Variants in NID1 observed in about 807,000 individuals in gnomAD.
NID1 encodes the protein nidogen-1.
Under a neutral mutation model 130.6 loss-of-function variants are expected in NID1, and 76 were observed. The observed-to-expected ratio is 0.58, with a 90% CI of 0.48 to 0.70. The LOEUF (loss-of-function observed/expected upper bound fraction) is 0.70. Among genes scored for constraint, NID1 ranks in the 30% least tolerant of loss-of-function variants. The pLI, the probability that NID1 is intolerant of heterozygous loss-of-function variation, is 0.00. For synonymous variants in NID1, 665 were observed against 675.1 expected, an observed-to-expected ratio of 0.98 and a Z score of 0.23; for missense variants, 1,517 against 1,664.8, an observed-to-expected ratio of 0.91 and a Z score of 1.54.
At chr1:235,989,985 A>G (rs1487047890) in intron 14 of NID1, among the ~76,000 whole-genome samples, 2 of 152,226 alleles carry the variant, frequency 1.3e-5, no homozygotes, top group Non-Finnish European at 2.9e-5. Context: ...AAAGGACTGG[A>G]TTTTATTCTG....
chr1:235,991,883 G>A (rs932423384), intron 13 of NID1, among the ~76,000 whole-genome samples: 1 of 152,296 alleles, frequency 6.6e-6, no homozygotes, highest in African/African-American at 2.4e-5. Context: ...ACAGGGATGG[G>A]AGAGCCTGGG....
At chr1:236,046,499 G>A (rs904671592) in intron 2 of NID1, among the ~76,000 whole-genome samples, 8 of 152,042 alleles carry the variant, frequency 5.3e-5, no homozygotes, top group African/African-American at 1.9e-4. Flanking sequence ...AAGGCCTCAC[G>A]GGAGGGCCCA....
chr1:236,017,303 C>CT (rs751409453), intron 9 of NID1, 30 bp from the exon 10 acceptor site: 24 of 1,607,392 alleles, frequency 1.5e-5, no homozygotes, highest in Non-Finnish European at 1.8e-5. Flanking sequence ...TTACTGCAGG[C>CT]TTTTTTTTAA....
intron 9 of NID1, among the ~76,000 whole-genome samples, chr1:236,017,838 G>T (rs553070960): frequency 1.7e-3 from 261 of 152,208 alleles, no homozygotes; most frequent in African/African-American, 6.2e-3. Flanking sequence ...CCCTGAACAC[G>T]AGTCTTTCCC....
At chr1:236,059,539 A>T (rs1659984877) in intron 1 of NID1, among the ~76,000 whole-genome samples, 1 of 152,208 alleles carries the variant, frequency 6.6e-6, no homozygotes, top group Admixed American at 6.5e-5. Context: ...TAGTTTATAT[A>T]ACTTGCCTAA....
intron 14 of NID1, among the ~76,000 whole-genome samples, chr1:235,986,709 G>T (rs140989540): frequency 1.3e-5 from 2 of 152,198 alleles, no homozygotes; most frequent in South Asian, 2.1e-4. Flanking sequence ...TGATCCAGCC[G>T]CCTGGGCCTC....
At chr1:236,011,868 G>A (rs756896456) in intron 12 of NID1, 53 bp downstream of exon 12, 1 of 1,605,236 alleles carries the variant, frequency 6.2e-7, no homozygotes, top group Non-Finnish European at 8.5e-7. Context: ...CATGTGCTCT[G>A]CATTCATGGA....
At position 235,977,384 on chromosome 1, in the gene NID1, A is replaced by G. The variant is rs1207559449; in HGVS notation, c.*483T>C. ...AAGAAATTCAGAGCACCAAAACAAA[A>G]CATTAAGGAATGCTAATTTCCTCCT... is the stretch of plus-strand genomic sequence containing the variant. On this transcript the variant is annotated 3_prime_UTR_variant, in exon 20 of 20. Coordinates refer to ENST00000264187, the MANE Select transcript of NID1 (RefSeq NM_002508.3). 6.4e-6 allele frequency: 1 copy of G among 156,888 alleles called. No homozygotes were observed. The highest frequency in any genetic ancestry group is 1.4e-5 in the Non-Finnish European group (1 of 70,584). The allele number at this position is 156,888 out of a possible 1,614,324, so 9.7% of individuals were successfully genotyped here. A position where few individuals can be genotyped will look rare whatever the true frequency, so the allele number is the denominator to read the frequency against.
At chr1:236,015,529 T>G (rs773440237) in intron 10 of NID1, among the ~76,000 whole-genome samples, 13 of 150,988 alleles carry the variant, frequency 8.6e-5, no homozygotes, top group Non-Finnish European at 1.8e-4. Context: ...TGCCTGTAAT[T>G]CCAGCTACTT....
intron 12 of NID1, among the ~76,000 whole-genome samples, chr1:235,995,041 C>T (rs760175314): frequency 5.3e-5 from 8 of 152,208 alleles, no homozygotes; most frequent in Non-Finnish European, 1.2e-4. Flanking sequence ...TGGAAATTGA[C>T]CTCTAAACTG....
At position 235,977,760 on chromosome 1, in the gene NID1, G is replaced by A. The variant is rs1445741359; in HGVS notation, c.*107C>T. The A allele has an allele frequency of 1.5e-6, 2 of 1,310,308 alleles. No homozygotes were observed. The highest frequency in any genetic ancestry group is 1.5e-5 in the African/African-American group (1 of 68,318). 81.2% of individuals were successfully genotyped at this position (1,310,308 alleles called of 1,614,324 possible). A position where few individuals can be genotyped will look rare whatever the true frequency, so the allele number is the denominator to read the frequency against. ...TTGGGGCTCAGGCTGGGCTGGGTCTGGGCCTAGTGGCCACTCAGCCAGAGG... is the reference window on the plus strand; with the variant it reads ...TTGGGGCTCAGGCTGGGCTGGGTCTAGGCCTAGTGGCCACTCAGCCAGAGG... On this transcript the variant is annotated 3_prime_UTR_variant, in exon 20 of 20. Coordinates refer to ENST00000264187, the MANE Select transcript of NID1 (RefSeq NM_002508.3).
chr1:236,007,025 T>A (rs1157442800), intron 12 of NID1, among the ~76,000 whole-genome samples: 1 of 152,018 alleles, frequency 6.6e-6, no homozygotes, highest in Non-Finnish European at 1.5e-5. Context: ...TTGTTTATTA[T>A]TTTTAAATTT....
rs775669003 is a variant in NID1, at chr1:235,979,139, C to T, written c.3510-32G>A. ...AGCACCAAAGGGCAGAAGGTGAAAA[C>T]ACATCTGATGGCTTGAACTTGTATC... On this transcript the variant is annotated intron_variant, in intron 18 of 19. Coordinates refer to ENST00000264187, the MANE Select transcript of NID1 (RefSeq NM_002508.3). This position sits in a 1 kb window ranked among gnomAD's most constrained non-coding sequence, Gnocchi z 4.6. The T allele has an allele frequency of 8.0e-6, 11 of 1,372,088 alleles. No homozygotes were observed. Among genetic ancestry groups the T allele is most frequent in the South Asian group, 3.5e-5 (3 of 86,042 alleles). 85.0% of individuals were successfully genotyped at this position (1,372,088 alleles called of 1,614,324 possible).
At chr1:236,002,677 A>G (rs984221586) in intron 12 of NID1, among the ~76,000 whole-genome samples, 3 of 152,096 alleles carry the variant, frequency 2.0e-5, no homozygotes, top group African/African-American at 7.2e-5. Context: ...ATTGGTGAGG[A>G]CGGTTGCCTT....
intron 2 of NID1, among the ~76,000 whole-genome samples, chr1:236,047,815 T>G (rs559168086): frequency 7.2e-6 from 1 of 139,392 alleles, no homozygotes; most frequent in Non-Finnish European, 1.5e-5. Context: ...TCATTTGAGG[T>G]CAGCAGTTGG....
chr1:236,027,626 C>T (rs948248834), intron 7 of NID1, among the ~76,000 whole-genome samples: 1 of 152,110 alleles, frequency 6.6e-6, no homozygotes, highest in Non-Finnish European at 1.5e-5. Flanking sequence ...GTCAGGAGTT[C>T]GAGACCAGCC....
chr1:236,003,080 G>A (rs9726880), intron 12 of NID1, among the ~76,000 whole-genome samples: 34,970 of 133,826 alleles, frequency 0.26, 4,864 homozygotes, highest in Non-Finnish European at 0.3. Flanking sequence ...GTGAACGAGT[G>A]GTAGTTGTCA....
At position 235,980,650 on chromosome 1, in the gene NID1, G is replaced by A. The variant is rs757630278; in HGVS notation, c.3231C>T (p.Asn1077=). ...CTCTGTTCCAGTCTGTCCAGTAAAGGTTCCTGGAGGAGGAAAAAGGGGGGA... is the reference window on the plus strand; with the variant it reads ...CTCTGTTCCAGTCTGTCCAGTAAAGATTCCTGGAGGAGGAAAAAGGGGGGA... ...RGIVTDSVRG[N]LYWTDWNRDN... is the part of the protein sequence containing the mutation. Residue 1077 remains asparagine, a synonymous_variant, in exon 17 of 20, where the codon AAC becomes AAT. Transcript: ENST00000264187. 10 of 1,612,162 alleles carry A rather than the reference G, an allele frequency of 6.2e-6. No individual in the cohort carries two copies. Among genetic ancestry groups the A allele is most frequent in the East Asian group, 4.5e-5 (2 of 44,856 alleles).
chr1:236,010,572 T>C lies in NID1; in HGVS notation c.2527+1349A>G, dbSNP rs534711806. 4.6e-5 allele frequency among the ~76,000 whole-genome samples: 7 copies of C among 152,204 alleles called. No homozygotes were observed. In the East Asian group the frequency reaches 1.3e-3, roughly 29 times the overall value. On this transcript the variant is annotated intron_variant, in intron 12 of 19. Transcript: ENST00000264187. ...ACCTCGATCTCCCAAAATGCTAGGA[T>C]TACAGGCGAGAGCCATGGCACCCAG...
Sources: allele counts gnomAD v4.1 joint callset (sites outside exome capture counted in the v4.1 genomes callset), GRCh38; gene constraint gnomAD v4.1.1; non-coding constraint Gnocchi (gnomAD v3.1); transcripts MANE v1.5; gene names NCBI Gene and HGNC (gene_info 2026-07-23, HGNC 2026-07-21).